The following HDAC4 variants were observed in gnomAD, a reference collection of about 807,000 sequenced individuals.
HDAC4 encodes the protein histone deacetylase 4.
In HDAC4, 16 loss-of-function variants were observed where a neutral mutation model predicts 135.1. The observed-to-expected ratio is 0.12, with a 90% CI of 0.08 to 0.18. The LOEUF is 0.18. Ranked by LOEUF, HDAC4 falls within the 10% of genes least tolerant of loss-of-function variation. The pLI is 1.00. For synonymous variants in HDAC4, 685 were observed against 653.4 expected, an observed-to-expected ratio of 1.05 and a Z score of -0.74; for missense variants, 1,143 against 1,511.8, an observed-to-expected ratio of 0.76 and a Z score of 4.05.
intron 14 of HDAC4, among the ~76,000 whole-genome samples, chr2:239,110,407 G>A (rs930734340): frequency 6.6e-6 from 1 of 152,212 alleles, no homozygotes; most frequent in Non-Finnish European, 1.5e-5. Context: ...CCTTGGTGGC[G>A]GTGACTGGGG....
In HDAC4 at chr2:239,048,560, TATAGATAGATAG is replaced by T. The variant is rs3841081; in HGVS notation, c.*4525_*4536del. The T allele has an allele frequency of 4.7e-5, 7 of 149,948 alleles. No homozygotes were observed. The highest frequency in any genetic ancestry group is 9.9e-5 in the African/African-American group (4 of 40,590). The allele number at this position is 149,948 out of a possible 1,614,324, so 9.3% of individuals were successfully genotyped here. ...GGGTGAGTAAGGTTCAAGCCCCCTG[TATAGATAGATAG>T]ATAGATAGATAGATAGATAGATTAT... On this transcript the variant is annotated 3_prime_UTR_variant, in exon 27 of 27. Coordinates refer to ENST00000543185, the MANE Select transcript of HDAC4 (RefSeq NM_001378414.1).
intron 24 of HDAC4, 104 bp from the exon 25 acceptor site, chr2:239,054,937 G>C (rs1412109938): frequency 1.2e-6 from 1 of 834,884 alleles, no homozygotes; most frequent in Non-Finnish European, 2.1e-6. Flanking sequence ...AGAGACCCTT[G>C]TGGGGTGCAT....
At chr2:239,254,548 TTAAAGA>T (rs975511946) in intron 2 of HDAC4, among the ~76,000 whole-genome samples, 6 of 152,070 alleles carry the variant, frequency 3.9e-5, no homozygotes, top group East Asian at 3.8e-4. Flanking sequence ...TTAGATCTAG[TTAAAGA>T]TAAAAACAGC....
chr2:239,151,413 C>A (rs531834894), intron 7 of HDAC4, among the ~76,000 whole-genome samples: 1 of 152,206 alleles, frequency 6.6e-6, no homozygotes, highest in Non-Finnish European at 1.5e-5. Context: ...CAGCTTCCCC[C>A]CAAAATGGAG....
intron 16 of HDAC4, among the ~76,000 whole-genome samples, chr2:239,097,075 C>T (rs372326235): frequency 1.3e-5 from 2 of 152,212 alleles, no homozygotes; most frequent in African/African-American, 2.4e-5. Context: ...AGCTGAGGGG[C>T]GCAGGCGCCA....
Position 239,156,675 on chromosome 2 carries a change from T to A in HDAC4, c.710A>T (p.Asp237Val), listed in dbSNP as rs1657302677. ...HPVLGMYDAK[D>V]DFPLRKTASE... is the part of the protein sequence containing the mutation. ...ACCTGTTTTCCTAAGAGGGAAGTCA[T>A]CTTTGGCGTCGTACATTCCCAGGAC... Residue 237 changes from aspartate to valine, a missense_variant, in exon 7 of 27, where the codon GAT becomes GTT. Asp to Val is a radical substitution (Grantham distance 152). Around this residue, in one of 9 missense-constraint regions of HDAC4, gnomAD observed 247 missense variants for 310.0 expected, o/e 0.80. Coordinates refer to ENST00000543185, the MANE Select transcript of HDAC4 (RefSeq NM_001378414.1). 1 of 1,613,996 alleles carries A rather than the reference T, an allele frequency of 6.2e-7. No individual in the cohort carries two copies. The highest frequency in any genetic ancestry group is 8.5e-7 in the Non-Finnish European group (1 of 1,180,022).
chr2:239,076,025 A>G (rs1265103844), intron 22 of HDAC4, among the ~76,000 whole-genome samples: 2 of 148,314 alleles, frequency 1.3e-5, no homozygotes, highest in Non-Finnish European at 3.0e-5. Flanking sequence ...GTGCCAGCGA[A>G]CTCTCCTTGG....
chr2:239,294,651 A>G (rs2051742869), intron 2 of HDAC4, among the ~76,000 whole-genome samples: 1 of 152,088 alleles, frequency 6.6e-6, no homozygotes, highest in South Asian at 2.1e-4. Flanking sequence ...GCTGAGGCTC[A>G]GGATAGCAAG....
chr2:239,080,489 G>A (rs779258553), intron 22 of HDAC4, among the ~76,000 whole-genome samples: 12 of 152,168 alleles, frequency 7.9e-5, no homozygotes, highest in Non-Finnish European at 1.5e-4. Flanking sequence ...GAAAACCTGC[G>A]CTGCTCAGCA....
In HDAC4 at chr2:239,163,858, G is replaced by A. The variant is rs372084241; in HGVS notation, c.556C>T (p.Leu186=). 7 of 1,613,990 alleles carry A rather than the reference G, an allele frequency of 4.3e-6. No homozygotes were observed. The highest frequency in any genetic ancestry group is 5.9e-6 in the Non-Finnish European group (7 of 1,179,998). ...QEFVLNKKKA[L]AHRNLNHCIS... is the part of the protein sequence containing the mutation. ...CAGTGGTTCAGATTCCGGTGGGCCA[G>A]CGCCTTCTTTTTATTGAGGACAAAT... The change falls in exon 6 of 27, where the codon CTG becomes TTG. Residue 186 remains leucine (L), a synonymous_variant. Transcript: ENST00000543185.
At chr2:239,276,893 C>T (rs905874772) in intron 2 of HDAC4, among the ~76,000 whole-genome samples, 1 of 152,208 alleles carries the variant, frequency 6.6e-6, no homozygotes, top group Non-Finnish European at 1.5e-5. Flanking sequence ...CACTGTCTGT[C>T]ACCGTGCCAC....
chr2:239,093,032 G>A lies in HDAC4; in HGVS notation c.2280+1978C>T, dbSNP rs74000653. ...GGCTGGCAGGGCTGGGAGGCCTTTG[G>A]GAAGCTCAGAGGAGCCGCGGGGAGC... On this transcript the variant is annotated intron_variant, in intron 17 of 26. Transcript: ENST00000543185. Among the ~76,000 whole-genome samples, 1,340 of 152,252 alleles carry A rather than the reference G, an allele frequency of 8.8e-3. 18 individuals carry two copies. The highest frequency in any genetic ancestry group is 0.03 in the African/African-American group (1,260 of 41,550).
At position 239,308,678 on chromosome 2, in the gene HDAC4, C is replaced by A. The variant is rs973324751; in HGVS notation, c.22+44000G>T. On this transcript the variant is annotated intron_variant, in intron 2 of 26. Coordinates refer to ENST00000543185, the MANE Select transcript of HDAC4 (RefSeq NM_001378414.1). This position sits in a 1 kb window ranked among gnomAD's most constrained non-coding sequence, Gnocchi z 4.2. ...GTGGTTAACAGGCCTCCGGGTGTCC[C>A]CCCCTTCCAGCCCAGTGCAGGGGTT... Among the ~76,000 whole-genome samples the A allele has an allele frequency of 1.3e-5, 2 of 152,150 alleles. No homozygotes were observed. The highest frequency in any genetic ancestry group is 2.9e-5 in the Non-Finnish European group (2 of 68,026).
Position 239,139,836 on chromosome 2 carries a change from C to T in HDAC4, c.866-40G>A, listed in dbSNP as rs778134855. 4.5e-5 allele frequency: 71 copies of T among 1,565,168 alleles called. No homozygotes were observed. The highest frequency in any genetic ancestry group is 7.8e-5 in the South Asian group (7 of 90,134). On this transcript the variant is annotated intron_variant, in intron 8 of 26. Coordinates refer to ENST00000543185, the MANE Select transcript of HDAC4 (RefSeq NM_001378414.1). The surrounding 1 kb of genome is among the most constrained non-coding windows in gnomAD (Gnocchi z 5.3). Reference sequence around the variant, plus strand: ...ATACCCTGGTGAGTGTTACTCCATGCGGAGGGAGGGCCGTGCTGACCTGTG... The same window carrying T: ...ATACCCTGGTGAGTGTTACTCCATGTGGAGGGAGGGCCGTGCTGACCTGTG...
chr2:239,098,332 C>T (rs3828198), intron 16 of HDAC4, among the ~76,000 whole-genome samples: 44,309 of 152,022 alleles, frequency 0.29, 6,654 homozygotes, highest in Non-Finnish European at 0.33. Context: ...GTCTGTTTGC[C>T]GCGGGCTGGC....
At chr2:239,354,690 C>T (rs1229625416) in intron 1 of HDAC4, among the ~76,000 whole-genome samples, 1 of 145,474 alleles carries the variant, frequency 6.9e-6, no homozygotes, top group African/African-American at 2.5e-5. Context: ...ACTTTATGTT[C>T]ATTGTATCTA....
rs118156287 is a variant in HDAC4, at chr2:239,143,402, C to T, written c.865+1181G>A. Among the ~76,000 whole-genome samples the T allele has an allele frequency of 3.1e-3, 467 of 152,336 alleles. 5 individuals are homozygous for T. The East Asian group carries it at 0.036, about 12-fold the overall frequency. ...ATTCCTCGTTTCAACTGAATCTTCC[C>T]CAGTCAGCTAGACTTAGTGAAACTT... On this transcript the variant is annotated intron_variant, in intron 8 of 26. Coordinates refer to ENST00000543185, the MANE Select transcript of HDAC4 (RefSeq NM_001378414.1).
At chr2:239,292,023 G>A (rs753458223) in intron 2 of HDAC4, among the ~76,000 whole-genome samples, 7 of 151,614 alleles carry the variant, frequency 4.6e-5, no homozygotes, top group Admixed American at 3.9e-4. Flanking sequence ...CTGCGCGCAC[G>A]GCCCAGCTCG....
chr2:239,138,666 ACTGCCTCTCT>A (rs755919907), intron 9 of HDAC4, among the ~76,000 whole-genome samples: 22 of 152,242 alleles, frequency 1.4e-4, no homozygotes, highest in South Asian at 2.1e-4. Context: ...AGCCTGCGGG[ACTGCCTCTCT>A]CTGCCTCTCT....
Sources: allele counts gnomAD v4.1 joint callset (sites outside exome capture counted in the v4.1 genomes callset), GRCh38; gene constraint gnomAD v4.1.1; regional missense constraint gnomAD v4.1.1; non-coding constraint Gnocchi (gnomAD v3.1); transcripts MANE v1.5; gene names NCBI Gene and HGNC (gene_info 2026-07-23, HGNC 2026-07-21).